The following TBC1D15 variants were observed in gnomAD, a reference collection of about 807,000 sequenced individuals.
The protein encoded by TBC1D15 is GAP for RAB7.
In TBC1D15, 39 loss-of-function variants were observed where a neutral mutation model predicts 95.4. The ratio of observed to expected loss-of-function variants is 0.41; its 90% CI spans 0.32 to 0.53. The LOEUF (loss-of-function observed/expected upper bound fraction) is 0.53, where lower values mean the gene tolerates loss of function less well. Ranked by LOEUF, TBC1D15 falls within the 20% of genes least tolerant of loss-of-function variation. The probability of loss-of-function intolerance (pLI) is 0.29; values close to 1 mark genes in which losing one functional copy is unlikely to be tolerated. For synonymous variants in TBC1D15, 258 were observed against 261.3 expected (o/e 0.99, Z 0.12); for missense variants, 733 against 794.3 (o/e 0.92, Z 0.93).
In TBC1D15 at chr12:71,923,360, A is replaced by G. The variant is rs543561570; in HGVS notation, c.*156A>G. 1.1e-5 allele frequency: 7 copies of G among 633,352 alleles called. No homozygotes were observed. The South Asian group carries it at 1.5e-4, about 14-fold the overall frequency. 39.2% of individuals were successfully genotyped at this position (633,352 alleles called of 1,614,324 possible). ...TTACATTAAAGCTTTACAAAGATTT[A>G]AACTAATTATTTTTGTAGTTACTTC... On this transcript the variant is annotated 3_prime_UTR_variant, in exon 17 of 17. Coordinates refer to ENST00000485960, the MANE Select transcript of TBC1D15 (RefSeq NM_001146213.3).
At chr12:71,890,045 A>G in intron 5 of TBC1D15, among the ~76,000 whole-genome samples, 1 of 151,990 alleles carries the variant, frequency 6.6e-6, no homozygotes, top group East Asian at 1.9e-4. Flanking sequence ...CCTACCACTG[A>G]TGGGCGTTTA....
chr12:71,851,167 C>T (rs973483216), intron 1 of TBC1D15, among the ~76,000 whole-genome samples: 3 of 151,938 alleles, frequency 2.0e-5, no homozygotes, highest in African/African-American at 7.3e-5. Flanking sequence ...CAAGCCAACA[C>T]GTCACATAGA....
intron 1 of TBC1D15, among the ~76,000 whole-genome samples, chr12:71,866,340 C>T (rs931890753): frequency 2.0e-5 from 3 of 152,218 alleles, no homozygotes; most frequent in African/African-American, 7.2e-5. Context: ...TATTTAGACT[C>T]GAGGCAGCTC....
Position 71,851,621 on chromosome 12 carries a change from C to T in TBC1D15, c.30+11810C>T, listed in dbSNP as rs139356965. 9.8e-3 allele frequency among the ~76,000 whole-genome samples: 1,489 copies of T among 152,264 alleles called. 31 individuals carry two copies. The highest frequency in any genetic ancestry group is 0.034 in the African/African-American group (1,393 of 41,552). ...AGGCATTGGGTAAATACTCCCATTCCAAAAGGGAAAAATCGGCCAAAAGAA... is the reference window on the plus strand; with the variant it reads ...AGGCATTGGGTAAATACTCCCATTCTAAAAGGGAAAAATCGGCCAAAAGAA... On this transcript the variant is annotated intron_variant, in intron 1 of 16. Transcript: ENST00000485960.
Position 71,889,946 on chromosome 12 carries a change from A to G in TBC1D15, c.555-3276A>G, listed in dbSNP as rs1238963007. ...CTTTAGGAAAATAGCCTCCAGCTTCATCCATGTTGCTGCCAAGGACATGGT... is the reference window on the plus strand; with the variant it reads ...CTTTAGGAAAATAGCCTCCAGCTTCGTCCATGTTGCTGCCAAGGACATGGT... On this transcript the variant is annotated intron_variant, in intron 5 of 16. Transcript: ENST00000485960. 3.3e-5 allele frequency among the ~76,000 whole-genome samples: 5 copies of G among 152,174 alleles called. No homozygotes were observed. In the East Asian group the frequency reaches 5.8e-4, roughly 18 times the overall value.
chr12:71,884,816 C>G lies in TBC1D15; in HGVS notation c.349C>G (p.Pro117Ala). ...CCCACTTTCTTGTTTTTAAGATGCT[C>G]CAAGTCATAGAAATGGGAAAAGCAA... ...KRKPHTNGDAPSHRNGKSKWS... is the reference protein window; with the variant it reads ...KRKPHTNGDAASHRNGKSKWS... The change falls in exon 5 of 17, where the codon CCA (proline) becomes GCA (alanine). Residue 117 changes from proline (P) to alanine (A), a missense_variant. Transcript: ENST00000485960. The G allele has an allele frequency of 6.2e-7, 1 of 1,613,824 alleles. No individual in the cohort carries two copies. Among genetic ancestry groups the G allele is most frequent in the Non-Finnish European group, 8.5e-7 (1 of 1,179,858 alleles).
chr12:71,918,432 G>GT lies in TBC1D15; in HGVS notation c.1502-12dup. On this transcript the variant is annotated intron_variant, in intron 13 of 16. Coordinates refer to ENST00000485960, the MANE Select transcript of TBC1D15 (RefSeq NM_001146213.3). ...TAGCATAAGAGTAAGTCATATGTGT[G>GT]TTTTTTTCTTCTGCATAGAATCTCA... 2.7e-6 allele frequency: 4 copies of GT among 1,507,480 alleles called. No individual in the cohort carries two copies. The highest frequency in any genetic ancestry group is 1.2e-5 in the South Asian group (1 of 83,144). The allele number at this position is 1,507,480 out of a possible 1,614,324, so 93.4% of individuals were successfully genotyped here.
rs1870010199 is a variant in TBC1D15, at chr12:71,922,968, A to T, written c.1804-15A>T. The T allele has an allele frequency of 1.2e-6, 2 of 1,612,794 alleles. No individual in the cohort carries two copies. Among genetic ancestry groups the T allele is most frequent in the South Asian group, 1.1e-5 (1 of 91,060 alleles). ...GTAGTGAAATATGGTTTTGAGTTTG[A>T]TTTTTCATATCCAGGAATTGCCACA... On this transcript the variant is annotated splice_polypyrimidine_tract_variant and intron_variant, in intron 16 of 16. Transcript: ENST00000485960.
At chr12:71,847,384 T>C (rs1455412630) in intron 1 of TBC1D15, among the ~76,000 whole-genome samples, 1 of 121,064 alleles carries the variant, frequency 8.3e-6, no homozygotes, top group African/African-American at 3.5e-5. Flanking sequence ...GTATCATTAG[T>C]TTTTTTTTTA....
intron 2 of TBC1D15, 26 bp downstream of exon 2, chr12:71,872,194 T>G (rs1399021080): frequency 1.5e-6 from 2 of 1,340,188 alleles, no homozygotes; most frequent in African/African-American, 1.5e-5. Context: ...ATGATTTTAT[T>G]TAATAATAGT....
chr12:71,839,768 C>T lies in TBC1D15; in HGVS notation c.-14C>T. ...GAGGTTCTGCTACGTCATTACCAGG[C>T]ACGCGCAGGAAACATGGCGGCGGCG... On this transcript the variant is annotated 5_prime_UTR_variant, in exon 1 of 17. Transcript: ENST00000485960. 1 of 1,614,164 alleles carries T rather than the reference C, an allele frequency of 6.2e-7. No individual in the cohort carries two copies. Among genetic ancestry groups the T allele is most frequent in the Non-Finnish European group, 8.5e-7 (1 of 1,180,018 alleles).
At chr12:71,861,664 A>AT (rs997476231) in intron 1 of TBC1D15, among the ~76,000 whole-genome samples, 9 of 146,800 alleles carry the variant, frequency 6.1e-5, no homozygotes, top group East Asian at 2.0e-4. Flanking sequence ...TGTTCTGTAA[A>AT]TTTTTTTTTT....
intron 1 of TBC1D15, among the ~76,000 whole-genome samples, chr12:71,869,665 C>T (rs1342542822): frequency 2.0e-5 from 3 of 152,114 alleles, no homozygotes; most frequent in Non-Finnish European, 4.4e-5. Context: ...GTCTAGAGAT[C>T]TAATGTACAA....
intron 5 of TBC1D15, among the ~76,000 whole-genome samples, chr12:71,886,411 C>T (rs985429308): frequency 6.6e-6 from 1 of 152,216 alleles, no homozygotes; most frequent in African/African-American, 2.4e-5. Flanking sequence ...CTCAGGTTAT[C>T]TGCCTGCCTC....
At chr12:71,840,755 C>G (rs949472388) in intron 1 of TBC1D15, among the ~76,000 whole-genome samples, 1 of 152,126 alleles carries the variant, frequency 6.6e-6, no homozygotes, top group African/African-American at 2.4e-5. Flanking sequence ...CTTTCCCTAC[C>G]CCATTTTGAA....
At chr12:71,891,609 G>A (rs540408764) in intron 5 of TBC1D15, among the ~76,000 whole-genome samples, 1 of 152,204 alleles carries the variant, frequency 6.6e-6, no homozygotes, top group Non-Finnish European at 1.5e-5. Flanking sequence ...CTTTTTAAGT[G>A]TTTTGTTGAT....
intron 1 of TBC1D15, chr12:71,849,967 G>A (rs1592690696): frequency 7.7e-6 from 4 of 522,664 alleles, no homozygotes; most frequent in South Asian, 6.7e-5. Context: ...CAGTATTGCA[G>A]GAGTGCTTCT....
intron 5 of TBC1D15, among the ~76,000 whole-genome samples, chr12:71,892,901 A>G (rs1489685427): frequency 1.3e-5 from 2 of 151,676 alleles, no homozygotes; most frequent in African/African-American, 2.4e-5. Context: ...ATGGTTTTCT[A>G]CTATAATTCT....
chr12:71,889,663 G>A (rs1896875939), intron 5 of TBC1D15, among the ~76,000 whole-genome samples: 1 of 152,130 alleles, frequency 6.6e-6, no homozygotes, highest in South Asian at 2.1e-4. Context: ...TTAGGTTCAG[G>A]GGTATATGTG....
Sources: allele counts gnomAD v4.1 joint callset (sites outside exome capture counted in the v4.1 genomes callset), GRCh38; gene constraint gnomAD v4.1.1; transcripts MANE v1.5; gene names NCBI Gene and HGNC (gene_info 2026-07-23, HGNC 2026-07-21).